The following PSTK variants were observed in gnomAD, a reference collection of about 807,000 sequenced individuals.
PSTK encodes the protein L-seryl-tRNA(Sec) kinase.
A neutral mutation model predicts 38.6 loss-of-function variants in PSTK; 26 were observed. That is an observed-to-expected ratio of 0.67 (90% CI 0.49 to 0.94). The LOEUF (loss-of-function observed/expected upper bound fraction) is 0.94. Among genes scored for constraint, PSTK ranks in the 40% least tolerant of loss-of-function variants. PSTK has a pLI of 0.00. For synonymous variants in PSTK, 181 were observed against 161.7 expected, an observed-to-expected ratio of 1.12 and a Z score of -0.91; for missense variants, 445 against 436.3, an observed-to-expected ratio of 1.02 and a Z score of -0.18.
chr10:122,982,873 G>A lies in PSTK; in HGVS notation c.357G>A (p.Lys119=). 1.2e-6 allele frequency: 2 copies of A among 1,614,192 alleles called. No homozygotes were observed. Among genetic ancestry groups the A allele is most frequent in the South Asian group, 1.1e-5 (1 of 91,086 alleles). ...GGGAAGATTTTATAACCTGCTTAAA[G>A]GATCAAGATCTGATATTTTCTGCAG... ...AMWEDFITCL[K]DQDLIFSAAF... Residue 119 remains lysine (K), a synonymous_variant, in exon 2 of 6, where the codon AAG becomes AAA. Transcript: ENST00000406217.
chr10:122,980,724 GC>G lies in PSTK; in HGVS notation c.216+30del. 1 of 710,746 alleles carries G rather than the reference GC, an allele frequency of 1.4e-6. No homozygotes were observed. Among genetic ancestry groups the G allele is most frequent in the Non-Finnish European group, 1.8e-6 (1 of 563,042 alleles). The allele number at this position is 710,746 out of a possible 1,614,324, so 44.0% of individuals were successfully genotyped here. ...AGCACGGAGGGGCGGGGCCTGGGCC[GC>G]GGGGCGGGGCGGGGCGGGGCGGGGC... On this transcript the variant is annotated intron_variant, in intron 1 of 5. Transcript: ENST00000406217. This position sits in a 1 kb window ranked among gnomAD's most constrained non-coding sequence, Gnocchi z 4.3.
At chr10:122,983,089 C>T in intron 2 of PSTK, 65 bp downstream of exon 2, 2 of 1,414,178 alleles carry the variant, frequency 1.4e-6, no homozygotes, top group Non-Finnish European at 1.9e-6. Flanking sequence ...ACACTATTGT[C>T]TTCAATGAGA....
chr10:122,983,180 A>G (rs1848989363), intron 2 of PSTK, 92 bp from the exon 3 acceptor site: 1 of 1,264,336 alleles, frequency 7.9e-7, no homozygotes, highest in Non-Finnish European at 1.1e-6. Flanking sequence ...AGTTTTTCCT[A>G]CTATAATTGT....
rs1849033687 is a variant in PSTK, at chr10:122,986,383, T to G, written c.783+8T>G. On this transcript the variant is annotated splice_region_variant and intron_variant, in intron 4 of 5. Transcript: ENST00000406217. ...GACAATATGGAACAAAAGGTAAACT[T>G]CCAGTGTAAATTTAATGTAAATGAG... 1.3e-6 allele frequency: 2 copies of G among 1,583,762 alleles called. No individual in the cohort carries two copies. The highest frequency in any genetic ancestry group is 1.7e-6 in the Non-Finnish European group (2 of 1,152,480).
At position 122,980,724 on chromosome 10, in the gene PSTK, G is replaced by GCGGGT; in HGVS notation, c.216+33_216+34insTCGGG. The GCGGGT allele has an allele frequency of 1.4e-6, 1 of 710,746 alleles. No homozygotes were observed. Among genetic ancestry groups the GCGGGT allele is most frequent in the East Asian group, 3.9e-5 (1 of 25,594 alleles). 44.0% of individuals were successfully genotyped at this position (710,746 alleles called of 1,614,324 possible). On this transcript the variant is annotated intron_variant, in intron 1 of 5. Transcript: ENST00000406217. This position sits in a 1 kb window ranked among gnomAD's most constrained non-coding sequence, Gnocchi z 4.3. ...AGCACGGAGGGGCGGGGCCTGGGCC[G>GCGGGT]CGGGGCGGGGCGGGGCGGGGCGGGG...
intron 2 of PSTK, 34 bp downstream of exon 2, chr10:122,983,058 ATACT>A (rs752150404): frequency 2.2e-5 from 34 of 1,553,184 alleles, no homozygotes; most frequent in Non-Finnish European, 3.0e-5. Flanking sequence ...ACACATGGAG[ATACT>A]TATTCACGTA....
Position 122,982,933 on chromosome 10 carries a change from A to T in PSTK, c.417A>T (p.Lys139Asn). The T allele has an allele frequency of 6.2e-7, 1 of 1,614,202 alleles. No individual in the cohort carries two copies. The highest frequency in any genetic ancestry group is 1.1e-5 in the South Asian group (1 of 91,088). The change falls in exon 2 of 6, where the codon AAA becomes AAT. Residue 139 changes from lysine to asparagine, a missense_variant. Transcript: ENST00000406217. ...FEAQSCYLLT[K>N]TAVSRPLFLV... ...CCCAGTCTTGCTACCTCTTAACAAA[A>T]ACTGCTGTTTCTAGACCTTTGTTTT...
At chr10:122,983,199 GTCTAATATATGT>G (rs1226306547) in intron 2 of PSTK, 61 bp from the exon 3 acceptor site, 23 of 1,319,894 alleles carry the variant, frequency 1.7e-5, no homozygotes, top group African/African-American at 3.0e-5. Context: ...GTCATAATTT[GTCTAATATATGT>G]TTATTTCATA....
At chr10:122,988,852 CAA>C (rs1243735814) in intron 5 of PSTK, among the ~76,000 whole-genome samples, 3 of 152,158 alleles carry the variant, frequency 2.0e-5, no homozygotes, top group Non-Finnish European at 2.9e-5. Context: ...GGTGTATACC[CAA>C]GAGAGATGAA....
Position 122,986,339 on chromosome 10 carries a change from T to C in PSTK, c.747T>C (p.Asn249=), listed in dbSNP as rs776224671. Residue 249 remains asparagine (N), a synonymous_variant, in exon 4 of 6, where the codon AAT becomes AAC. Coordinates refer to ENST00000406217, the MANE Select transcript of PSTK (RefSeq NM_001363531.2). ...ATTTATTGCTCACTGCTTTGGAAAA[T>C]CCAGTAAAATATGCTGAGGACAATA... ...VTDLLLTALE[N]PVKYAEDNME... 4 of 1,611,534 alleles carry C rather than the reference T, an allele frequency of 2.5e-6. No individual in the cohort carries two copies. Among genetic ancestry groups the C allele is most frequent in the Non-Finnish European group, 3.4e-6 (4 of 1,178,398 alleles).
In PSTK at chr10:122,983,342, GC is replaced by G. The variant is rs781689002; in HGVS notation, c.581del (p.Pro194HisfsTer11). On this transcript the variant is annotated frameshift_variant, in exon 3 of 6. Coordinates refer to ENST00000406217, the MANE Select transcript of PSTK (RefSeq NM_001363531.2). LOFTEE classifies it high-confidence loss of function. Reference sequence around the variant, plus strand: ...CCTGTTTACAGAGGAATGGCCAGAGGCCACAGGCACTGCCTCCTGAGACCAT... The same window carrying G: ...CCTGTTTACAGAGGAATGGCCAGAGGCACAGGCACTGCCTCCTGAGACCAT... ...ETCLQRNGQR[P>X]QALPPETIHL... 5 of 1,614,060 alleles carry G rather than the reference GC, an allele frequency of 3.1e-6. No individual in the cohort carries two copies. The highest frequency in any genetic ancestry group is 4.2e-6 in the Non-Finnish European group (5 of 1,179,970).
At position 122,980,414 on chromosome 10, in the gene PSTK, G is replaced by A. The variant is rs1848937074; in HGVS notation, c.-66G>A. Reference sequence around the variant, plus strand: ...CCGGTAGGCGGCGGAGACGCTGCGCGTGCGCGCAGGGCAGACGGTAGAGCG... The same window carrying A: ...CCGGTAGGCGGCGGAGACGCTGCGCATGCGCGCAGGGCAGACGGTAGAGCG... On this transcript the variant is annotated 5_prime_UTR_variant, in exon 1 of 6. It adds an upstream start codon to the 5' untranslated region. Transcript: ENST00000406217. The surrounding 1 kb of genome is among the most constrained non-coding windows in gnomAD (Gnocchi z 4.3). 2 of 1,434,418 alleles carry A rather than the reference G, an allele frequency of 1.4e-6. No individual in the cohort carries two copies. The highest frequency in any genetic ancestry group is 1.8e-6 in the Non-Finnish European group (2 of 1,090,426). The allele number at this position is 1,434,418 out of a possible 1,614,324, so 88.9% of individuals were successfully genotyped here. A position where few individuals can be genotyped will look rare whatever the true frequency, so the allele number is the denominator to read the frequency against.
At chr10:122,988,199 C>A (rs967204467) in intron 5 of PSTK, among the ~76,000 whole-genome samples, 1 of 151,948 alleles carries the variant, frequency 6.6e-6, no homozygotes, top group Non-Finnish European at 1.5e-5. Flanking sequence ...AACAGAGGAC[C>A]GGAACAGAAA....
chr10:122,986,351 T>C lies in PSTK; in HGVS notation c.759T>C (p.Tyr253=), dbSNP rs898509293. Residue 253 remains tyrosine, a synonymous_variant, in exon 4 of 6, where the codon TAT becomes TAC. Coordinates refer to ENST00000406217, the MANE Select transcript of PSTK (RefSeq NM_001363531.2). ...LLTALENPVK[Y]AEDNMEQKDT... ...CTGCTTTGGAAAATCCAGTAAAATA[T>C]GCTGAGGACAATATGGAACAAAAGG... is the stretch of plus-strand genomic sequence containing the variant. 6.2e-7 allele frequency: 1 copy of C among 1,611,480 alleles called. No homozygotes were observed. Among genetic ancestry groups the C allele is most frequent in the Non-Finnish European group, 8.5e-7 (1 of 1,177,828 alleles).
At chr10:122,987,416 AG>A (rs750876239) in intron 5 of PSTK, 1 of 1,614,220 alleles carries the variant, frequency 6.2e-7, no homozygotes, top group African/African-American at 1.3e-5. Flanking sequence ...GGATCATTCT[AG>A]GCAATGAACA....
At chr10:122,987,454 G>A in intron 5 of PSTK, 3 of 1,614,208 alleles carry the variant, frequency 1.9e-6, no homozygotes, top group Non-Finnish European at 2.5e-6. Flanking sequence ...GCAAAGGTTG[G>A]CTGGTTGCAG....
At position 122,990,302 on chromosome 10, in the gene PSTK, CCAGAT is replaced by C. The variant is rs1589711542; in HGVS notation, c.1007_1011del (p.Pro336ArgfsTer8). The C allele has an allele frequency of 6.6e-7, 1 of 1,523,452 alleles. No homozygotes were observed. Among genetic ancestry groups the C allele is most frequent in the Non-Finnish European group, 8.8e-7 (1 of 1,135,196 alleles). 94.4% of individuals were successfully genotyped at this position (1,523,452 alleles called of 1,614,324 possible). On this transcript the variant is annotated frameshift_variant, in exon 6 of 6. Coordinates refer to ENST00000406217, the MANE Select transcript of PSTK (RefSeq NM_001363531.2). LOFTEE classifies it high-confidence loss of function. ...GTGCTTTCAGCAAACCATTGACATA[CCAGAT>C]GTCATTTCTTTTTTTCATTATGAGA...
intron 3 of PSTK, chr10:122,984,928 A>G (rs1849014920): frequency 6.6e-6 from 1 of 152,240 alleles, no homozygotes; most frequent in Admixed American, 6.5e-5. Context: ...GTAAAGTAAT[A>G]TACCCAGGTA....
rs1476664471 is a variant in PSTK, at chr10:122,980,587, C to T, written c.108C>T (p.Arg36=). The T allele has an allele frequency of 6.2e-7, 1 of 1,611,964 alleles. No homozygotes were observed. The highest frequency in any genetic ancestry group is 1.1e-5 in the South Asian group (1 of 90,842). Residue 36 remains arginine (R), a synonymous_variant, in exon 1 of 6, where the codon CGC becomes CGT. Transcript: ENST00000406217. This position sits in a 1 kb window ranked among gnomAD's most constrained non-coding sequence, Gnocchi z 4.3. ...CGGCAGGAAAATCGACTTTCGCGCG[C>T]GCCCTCGCCCACCGGCTGCAGCAGG... ...LPAAGKSTFA[R]ALAHRLQQEQ... is the part of the protein sequence containing the mutation.
Sources: allele counts gnomAD v4.1 joint callset (sites outside exome capture counted in the v4.1 genomes callset), GRCh38; gene constraint gnomAD v4.1.1; non-coding constraint Gnocchi (gnomAD v3.1); transcripts MANE v1.5; gene names NCBI Gene and HGNC (gene_info 2026-07-23, HGNC 2026-07-21).